The following CDH13 variants were observed in gnomAD, a reference collection of about 807,000 sequenced individuals.
CDH13 encodes cadherin 13, also known as cadherin-13.
Under a neutral mutation model 63.8 loss-of-function variants are expected in CDH13, and 24 were observed. That is an observed-to-expected ratio of 0.38 (90% CI 0.27 to 0.53). The LOEUF (loss-of-function observed/expected upper bound fraction) is 0.53, where lower values mean the gene tolerates loss of function less well. Among genes scored for constraint, CDH13 ranks in the 20% least tolerant of loss-of-function variants. The probability of loss-of-function intolerance (pLI) is 0.85; values close to 1 mark genes in which losing one functional copy is unlikely to be tolerated. For missense variants in CDH13, 1,049 were observed against 903.1 expected (o/e 1.16, Z -2.07); for synonymous variants, 503 against 355.3 (o/e 1.42, Z -4.67).
intron 4 of CDH13, among the ~76,000 whole-genome samples, chr16:83,200,576 C>G (rs1431947148): frequency 1.3e-5 from 2 of 152,144 alleles, no homozygotes; most frequent in Non-Finnish European, 2.9e-5. Flanking sequence ...ACAACATGAT[C>G]TCATTAGGAG....
chr16:82,797,029 A>G (rs546340035), intron 1 of CDH13, among the ~76,000 whole-genome samples: 1 of 152,354 alleles, frequency 6.6e-6, no homozygotes, highest in East Asian at 1.9e-4. Flanking sequence ...TATACATTGC[A>G]TACGATTCTT....
At chr16:82,666,098 T>G (rs895775398) in intron 1 of CDH13, among the ~76,000 whole-genome samples, 1 of 152,164 alleles carries the variant, frequency 6.6e-6, no homozygotes, top group African/African-American at 2.4e-5. Flanking sequence ...GATTCTTAAG[T>G]TAATGGCATC....
intron 3 of CDH13, among the ~76,000 whole-genome samples, chr16:83,099,543 C>G (rs756577836): frequency 6.6e-6 from 1 of 151,294 alleles, no homozygotes; most frequent in Non-Finnish European, 1.5e-5. Flanking sequence ...AGGCTGGTCT[C>G]GAAGTCCTAA....
chr16:82,868,145 G>A (rs1393704751), intron 2 of CDH13, among the ~76,000 whole-genome samples: 1 of 152,154 alleles, frequency 6.6e-6, no homozygotes, highest in East Asian at 1.9e-4. Flanking sequence ...GTTTCAAGTA[G>A]TATATTTGTT....
intron 8 of CDH13, among the ~76,000 whole-genome samples, chr16:83,650,075 C>T (rs777676339): frequency 1.3e-5 from 2 of 152,228 alleles, no homozygotes; most frequent in African/African-American, 2.4e-5. Context: ...ACAGCTGCCT[C>T]CTTTCAAGCC....
chr16:83,078,582 C>G (rs1311646321), intron 3 of CDH13, among the ~76,000 whole-genome samples: 2 of 152,216 alleles, frequency 1.3e-5, no homozygotes, highest in Admixed American at 1.3e-4. Context: ...AGGTTCCTAA[C>G]AGGCCACAGA....
intron 4 of CDH13, chr16:83,171,676 A>G (rs776773566): frequency 1.7e-5 from 16 of 922,374 alleles, no homozygotes; most frequent in Non-Finnish European, 2.2e-5. Flanking sequence ...TGCAAATAGC[A>G]TGCTCTTTGG....
chr16:82,652,596 T>C (rs1910847490), intron 1 of CDH13, among the ~76,000 whole-genome samples: 1 of 150,842 alleles, frequency 6.6e-6, no homozygotes, highest in South Asian at 2.1e-4. Flanking sequence ...TTACAGATCT[T>C]GGAAAATGAA....
At chr16:83,060,114 C>G (rs1353705430) in intron 3 of CDH13, among the ~76,000 whole-genome samples, 1 of 152,010 alleles carries the variant, frequency 6.6e-6, no homozygotes, top group Non-Finnish European at 1.5e-5. Context: ...TCTCATAACC[C>G]AAAAGCTCTA....
At chr16:83,173,411 A>T (rs1345168206) in intron 4 of CDH13, among the ~76,000 whole-genome samples, 2 of 152,140 alleles carry the variant, frequency 1.3e-5, no homozygotes, top group African/African-American at 4.8e-5. Flanking sequence ...AGAGTGTGGT[A>T]AAGTAAGCAG....
chr16:83,271,379 T>C (rs1049983078), intron 5 of CDH13, among the ~76,000 whole-genome samples: 19 of 115,300 alleles, frequency 1.6e-4, no homozygotes, highest in African/African-American at 5.6e-4. Context: ...ATTCTTGTGT[T>C]GGATCTAGAC....
intron 3 of CDH13, among the ~76,000 whole-genome samples, chr16:83,040,778 A>T (rs1246277062): frequency 6.6e-6 from 1 of 152,214 alleles, no homozygotes; most frequent in Admixed American, 6.5e-5. Flanking sequence ...CACAGCATCC[A>T]AAGTACTTGG....
In CDH13 at chr16:83,783,440, C is replaced by T; in HGVS notation, c.2102C>T (p.Ser701Leu). Reference sequence around the variant, plus strand: ...GGGGCCCTGCGCTTCAGCCTGCCCTCAGTCCTGCTCCTCAGCCTCTTCAGC... The same window carrying T: ...GGGGCCCTGCGCTTCAGCCTGCCCTTAGTCCTGCTCCTCAGCCTCTTCAGC... ...AAGALRFSLP[S>L]VLLLSLFSLA... Residue 701 changes from serine to leucine, a missense_variant, in exon 13 of 14, where the codon TCA becomes TTA. Transcript: ENST00000567109. 6.2e-7 allele frequency: 1 copy of T among 1,613,942 alleles called. No individual in the cohort carries two copies. The highest frequency in any genetic ancestry group is 8.5e-7 in the Non-Finnish European group (1 of 1,179,788).
intron 8 of CDH13, among the ~76,000 whole-genome samples, chr16:83,618,377 A>T (rs1289173059): frequency 6.6e-6 from 1 of 151,152 alleles, no homozygotes; most frequent in East Asian, 1.9e-4. Context: ...GTGAGCCAAG[A>T]TTGTGCCACT....
At chr16:83,733,707 T>C (rs1911265253) in intron 10 of CDH13, among the ~76,000 whole-genome samples, 1 of 152,158 alleles carries the variant, frequency 6.6e-6, no homozygotes, top group African/African-American at 2.4e-5. Context: ...CCAATAAAAA[T>C]AAACTCTGAG....
At chr16:82,672,554 C>T (rs1386706778) in intron 1 of CDH13, among the ~76,000 whole-genome samples, 1 of 152,072 alleles carries the variant, frequency 6.6e-6, no homozygotes, top group African/African-American at 2.4e-5. Context: ...TCCCTCCACT[C>T]TTCTCTGATC....
chr16:83,548,998 C>T (rs1256712094), intron 7 of CDH13, among the ~76,000 whole-genome samples: 1 of 152,166 alleles, frequency 6.6e-6, no homozygotes, highest in Non-Finnish European at 1.5e-5. Context: ...ATTTAGTCCC[C>T]TCATCTGCAT....
chr16:83,001,373 C>G (rs998750600), intron 2 of CDH13, among the ~76,000 whole-genome samples: 4 of 152,206 alleles, frequency 2.6e-5, no homozygotes, highest in African/African-American at 7.2e-5. Context: ...ATTGTGCATT[C>G]AAGTGAGGGT....
At position 83,332,470 on chromosome 16, in the gene CDH13, TA is replaced by T. The variant is rs924490689; in HGVS notation, c.637-12384del. Among the ~76,000 whole-genome samples the T allele has an allele frequency of 1.1e-4, 17 of 151,912 alleles. 1 individual carries two copies. Among genetic ancestry groups the T allele is most frequent in the Non-Finnish European group, 1.6e-4 (11 of 67,926 alleles). ...CAAAATGACTTTAAAACTGTAAACTTAAAAAAAAGGTATTGCATTTATTTCT... is the reference window on the plus strand; with the variant it reads ...CAAAATGACTTTAAAACTGTAAACTTAAAAAAAGGTATTGCATTTATTTCT... On this transcript the variant is annotated intron_variant, in intron 5 of 13. Coordinates refer to ENST00000567109, the MANE Select transcript of CDH13 (RefSeq NM_001257.5).
Sources: gnomAD v4.1 joint callset for allele counts (sites outside exome capture counted in the v4.1 genomes callset) on GRCh38, gnomAD v4.1.1 for gene constraint, MANE v1.5 for transcripts, NCBI Gene and HGNC (gene_info 2026-07-23, HGNC 2026-07-21) for gene names.